Variants in GAS7 observed in about 807,000 individuals in gnomAD.
GAS7 encodes the protein growth arrest-specific protein 7.
GAS7 carries 28 observed loss-of-function variants against 71.1 expected under a neutral mutation model. The ratio of observed to expected loss-of-function variants is 0.39; its 90% CI spans 0.29 to 0.54. GAS7 has a LOEUF of 0.54. GAS7 is among the 20% of genes least tolerant of loss of function. GAS7 has a pLI of 0.62. For missense variants in GAS7, 436 were observed against 627.8 expected, an observed-to-expected ratio of 0.69 and a Z score of 3.27; for synonymous variants, 258 against 245.8, an observed-to-expected ratio of 1.05 and a Z score of -0.46.
At chr17:10,027,462 T>C (rs138259380) in intron 1 of GAS7, among the ~76,000 whole-genome samples, 19 of 152,302 alleles carry the variant, frequency 1.2e-4, no homozygotes, top group African/African-American at 3.8e-4. Context: ...AACTCAGGCG[T>C]TGGCAACATG....
At chr17:10,068,878 T>C (rs552436583) in intron 1 of GAS7, among the ~76,000 whole-genome samples, 1 of 152,244 alleles carries the variant, frequency 6.6e-6, no homozygotes, top group South Asian at 2.1e-4. Flanking sequence ...AGGAGTCCTC[T>C]CCCAGCAGTC....
intron 5 of GAS7, among the ~76,000 whole-genome samples, chr17:9,958,043 C>T (rs2069320639): frequency 1.3e-5 from 2 of 152,108 alleles, no homozygotes; most frequent in African/African-American, 4.8e-5. Context: ...GTTCTAAGTG[C>T]TTTCCATGGA....
chr17:10,157,869 T>C (rs1344869868), intron 1 of GAS7, among the ~76,000 whole-genome samples: 1 of 152,164 alleles, frequency 6.6e-6, no homozygotes, highest in Non-Finnish European at 1.5e-5. Context: ...AGGCTGGACA[T>C]GGTGGTATCC....
chr17:10,084,886 C>T (rs935008219), intron 1 of GAS7, among the ~76,000 whole-genome samples: 1 of 152,190 alleles, frequency 6.6e-6, no homozygotes, highest in Admixed American at 6.5e-5. Flanking sequence ...AAACGCCAAG[C>T]GGTCCCCGGT....
chr17:10,022,537 C>T (rs1220892841), intron 1 of GAS7, among the ~76,000 whole-genome samples: 1 of 152,222 alleles, frequency 6.6e-6, no homozygotes, highest in Non-Finnish European at 1.5e-5. Context: ...CCAATCCTGC[C>T]TGGACCGCTT....
At chr17:10,136,411 G>A (rs530364961) in intron 1 of GAS7, among the ~76,000 whole-genome samples, 29 of 152,294 alleles carry the variant, frequency 1.9e-4, no homozygotes, top group Non-Finnish European at 3.4e-4. Flanking sequence ...TCCCAACTCC[G>A]CATCAACGGT....
rs116998128 is a variant in GAS7, at chr17:10,120,765, G to T, written c.183+77443C>A. On this transcript the variant is annotated intron_variant, in intron 1 of 13. Coordinates refer to ENST00000432992, the MANE Select transcript of GAS7 (RefSeq NM_201433.2). ...AAGCACAGCGAAGATTCTCAGGAGG[G>T]CTGCTCAGGAGCCTGCACCCTCCAA... Among the ~76,000 whole-genome samples the T allele has an allele frequency of 7.7e-4, 117 of 152,308 alleles. 4 individuals are homozygous for T. In the East Asian group the frequency reaches 0.019, roughly 25 times the overall value.
intron 8 of GAS7, among the ~76,000 whole-genome samples, chr17:9,938,235 G>A (rs1437886303): frequency 1.3e-5 from 2 of 152,008 alleles, no homozygotes; most frequent in African/African-American, 2.4e-5. Flanking sequence ...GGCCAGGCGC[G>A]ATGGATCACG....
Position 9,969,807 on chromosome 17 carries a change from T to G in GAS7, c.386-45A>C. ...GCTCAGATGCTGTGTGGGCCACAGA[T>G]GGGCACCCCCGCCTTTCGTCCACTG... On this transcript the variant is annotated intron_variant, in intron 3 of 13. Transcript: ENST00000432992. The surrounding 1 kb of genome is among the most constrained non-coding windows in gnomAD (Gnocchi z 5.5). 7.8e-7 allele frequency: 1 copy of G among 1,277,326 alleles called. No individual in the cohort carries two copies. Among genetic ancestry groups the G allele is most frequent in the Non-Finnish European group, 1.1e-6 (1 of 873,434 alleles). The allele number at this position is 1,277,326 out of a possible 1,614,324, so 79.1% of individuals were successfully genotyped here.
At position 10,046,876 on chromosome 17, in the gene GAS7, G is replaced by GGAAAAGAAAA. The variant is rs796639166; in HGVS notation, c.184-26989_184-26980dup. The stretch of plus-strand genomic sequence containing the variant: ...AAAGAAAAGAAAAAAGAAAAGAAAA[G>GGAAAAGAAAA]GAAAAGAAAAGAAAAGAAAAGAAAA... On this transcript the variant is annotated intron_variant, in intron 1 of 13. Coordinates refer to ENST00000432992, the MANE Select transcript of GAS7 (RefSeq NM_201433.2). 1.1e-4 allele frequency among the ~76,000 whole-genome samples: 11 copies of GGAAAAGAAAA among 98,228 alleles called. 1 individual carries two copies. The highest frequency in any genetic ancestry group is 1.8e-4 in the African/African-American group (3 of 16,252). 64.4% of individuals were successfully genotyped at this position (98,228 alleles called of 152,430 possible). A position where few individuals can be genotyped will look rare whatever the true frequency, so the allele number is the denominator to read the frequency against.
chr17:10,045,553 T>C (rs1261785842), intron 1 of GAS7, among the ~76,000 whole-genome samples: 1 of 151,942 alleles, frequency 6.6e-6, no homozygotes, highest in Non-Finnish European at 1.5e-5. Context: ...AAAAATTAGC[T>C]GAGTGTGGTG....
chr17:10,173,907 C>G (rs1031959109), intron 1 of GAS7, among the ~76,000 whole-genome samples: 3 of 152,186 alleles, frequency 2.0e-5, no homozygotes, highest in Non-Finnish European at 4.4e-5. Flanking sequence ...GGGAACAGAG[C>G]CATGAGCACA....
intron 2 of GAS7, among the ~76,000 whole-genome samples, chr17:9,997,830 T>C (rs549661040): frequency 6.6e-6 from 1 of 152,314 alleles, no homozygotes; most frequent in African/African-American, 2.4e-5. Context: ...ACCCACTTAT[T>C]ACACAGGCTA....
chr17:10,106,000 G>A (rs1291056457), intron 1 of GAS7, among the ~76,000 whole-genome samples: 3 of 152,074 alleles, frequency 2.0e-5, no homozygotes, highest in Admixed American at 6.5e-5. Context: ...CCACCACCCA[G>A]GCGGGGCCTT....
At chr17:10,142,654 T>C (rs1401386074) in intron 1 of GAS7, among the ~76,000 whole-genome samples, 1 of 152,138 alleles carries the variant, frequency 6.6e-6, no homozygotes, top group Non-Finnish European at 1.5e-5. Flanking sequence ...GCCTGGCCTA[T>C]TAAAGGTTTA....
intron 1 of GAS7, among the ~76,000 whole-genome samples, chr17:10,046,605 G>A (rs1324925345): frequency 1.3e-5 from 2 of 151,132 alleles, no homozygotes; most frequent in Non-Finnish European, 2.9e-5. Flanking sequence ...GCTTGATGGC[G>A]GGCACCTGTA....
At chr17:10,126,368 ACACACACCCACACACTCACGCACATG>A (rs2073947359) in intron 1 of GAS7, among the ~76,000 whole-genome samples, 2 of 142,226 alleles carry the variant, frequency 1.4e-5, no homozygotes, top group Admixed American at 7.4e-5. Context: ...ACACTCTTGC[ACACACACCCACACACTCACGCACATG>A]CACACACAAA....
At chr17:9,961,662 C>T (rs1256475983) in intron 4 of GAS7, among the ~76,000 whole-genome samples, 1 of 152,174 alleles carries the variant, frequency 6.6e-6, no homozygotes, top group Non-Finnish European at 1.5e-5. Context: ...TTGCTTATTA[C>T]GGCAGGCTCC....
At chr17:9,994,300 C>CCAAA (rs2070954049) in intron 2 of GAS7, among the ~76,000 whole-genome samples, 1 of 149,700 alleles carries the variant, frequency 6.7e-6, no homozygotes, top group South Asian at 2.1e-4. Context: ...GCTACAGTAA[C>CCAAA]CAAAACAGCA....
Sources: gnomAD v4.1 joint callset for allele counts (sites outside exome capture counted in the v4.1 genomes callset) on GRCh38, gnomAD v4.1.1 for gene constraint, Gnocchi (gnomAD v3.1) non-coding constraint, MANE v1.5 for transcripts, NCBI Gene and HGNC (gene_info 2026-07-23, HGNC 2026-07-21) for gene names.